The following TMTC1 variants were observed in gnomAD, a reference collection of about 807,000 sequenced individuals.
TMTC1 encodes protein O-mannosyl-transferase TMTC1.
TMTC1 carries 73 observed loss-of-function variants against 104.8 expected under a neutral mutation model. That is an observed-to-expected ratio of 0.70 (90% CI 0.58 to 0.85). The LOEUF is 0.85. Ranked by LOEUF, TMTC1 falls within the 40% of genes least tolerant of loss-of-function variation. The pLI is 0.00. For synonymous variants in TMTC1, 434 were observed against 428.7 expected, an observed-to-expected ratio of 1.01 and a Z score of -0.15; for missense variants, 1,035 against 1,096.1, an observed-to-expected ratio of 0.94 and a Z score of 0.79.
At chr12:29,536,340 G>T (rs368249299) in intron 10 of TMTC1, 23 bp from the exon 11 acceptor site, 2 of 1,402,402 alleles carry the variant, frequency 1.4e-6, no homozygotes, top group Admixed American at 1.9e-5. Context: ...ATGAAGGGGT[G>T]GGGGAGAACA....
chr12:29,660,064 G>T, intron 5 of TMTC1: 1 of 1,107,862 alleles, frequency 9.0e-7, no homozygotes, highest in Non-Finnish European at 1.3e-6. Context: ...TCCTCTAACA[G>T]GGAATGAAGT....
chr12:29,659,216 T>C (rs139877253), intron 5 of TMTC1, among the ~76,000 whole-genome samples: 222 of 152,366 alleles, frequency 1.5e-3, no homozygotes, highest in Middle Eastern at 0.014. Context: ...AGATAGTTAT[T>C]ATTGACAAGT....
intron 8 of TMTC1, among the ~76,000 whole-genome samples, chr12:29,573,423 T>A (rs1054366615): frequency 6.6e-6 from 1 of 152,196 alleles, no homozygotes; most frequent in African/African-American, 2.4e-5. Flanking sequence ...ATCTACATAG[T>A]GTCCCTTCAG....
At chr12:29,737,471 G>A (rs1011988034) in intron 5 of TMTC1, among the ~76,000 whole-genome samples, 3 of 152,044 alleles carry the variant, frequency 2.0e-5, no homozygotes, top group Admixed American at 1.3e-4. Context: ...CCCAGATCGC[G>A]CCATTGCACT....
chr12:29,536,150 A>T, intron 11 of TMTC1, 59 bp downstream of exon 11: 1 of 1,104,102 alleles, frequency 9.1e-7, no homozygotes, highest in Non-Finnish European at 1.4e-6. Flanking sequence ...AAATCTGTGT[A>T]ACATTAATTT....
At chr12:29,585,388 G>T (rs1946105070) in intron 7 of TMTC1, among the ~76,000 whole-genome samples, 1 of 152,104 alleles carries the variant, frequency 6.6e-6, no homozygotes, top group African/African-American at 2.4e-5. Context: ...CATTCTGTAG[G>T]TTGCCTGTTT....
chr12:29,509,272 T>C (rs1943769440), intron 17 of TMTC1, among the ~76,000 whole-genome samples: 1 of 152,214 alleles, frequency 6.6e-6, no homozygotes, highest in South Asian at 2.1e-4. Context: ...AAAAATGTAT[T>C]ATAATTTCTT....
At chr12:29,650,997 A>C (rs1051779462) in intron 5 of TMTC1, among the ~76,000 whole-genome samples, 1 of 152,214 alleles carries the variant, frequency 6.6e-6, no homozygotes, top group Non-Finnish European at 1.5e-5. Context: ...ACACAAAACT[A>C]TGTATTCATC....
At chr12:29,770,362 C>G (rs1943567971) in intron 1 of TMTC1, among the ~76,000 whole-genome samples, 1 of 152,094 alleles carries the variant, frequency 6.6e-6, no homozygotes, top group Non-Finnish European at 1.5e-5. Flanking sequence ...AAGCGTTATC[C>G]ATGTTATTTC....
chr12:29,737,389 A>G (rs1942707614), intron 5 of TMTC1, among the ~76,000 whole-genome samples: 1 of 152,314 alleles, frequency 6.6e-6, no homozygotes, highest in African/African-American at 2.4e-5. Flanking sequence ...CTGGTGGCGC[A>G]TGCCTGTAAT....
intron 5 of TMTC1, among the ~76,000 whole-genome samples, chr12:29,693,849 C>T (rs1440459728): frequency 6.6e-6 from 1 of 152,142 alleles, no homozygotes; most frequent in Non-Finnish European, 1.5e-5. Context: ...CCCGGGCAGA[C>T]TGACAGCAGG....
intron 1 of TMTC1, among the ~76,000 whole-genome samples, chr12:29,776,817 T>C (rs1179650456): frequency 1.3e-5 from 2 of 151,984 alleles, no homozygotes; most frequent in Admixed American, 6.6e-5. Flanking sequence ...AAACCAAAGG[T>C]GGTGAGCACA....
chr12:29,759,015 C>T (rs962629106), intron 2 of TMTC1, among the ~76,000 whole-genome samples: 20 of 152,140 alleles, frequency 1.3e-4, no homozygotes, highest in African/African-American at 4.8e-4. Context: ...GATTTCCACA[C>T]TTTATTTTTA....
At chr12:29,599,808 A>G (rs373270057) in intron 7 of TMTC1, among the ~76,000 whole-genome samples, 1 of 152,064 alleles carries the variant, frequency 6.6e-6, no homozygotes, top group Non-Finnish European at 1.5e-5. Flanking sequence ...ATTGTTCACT[A>G]AAGTTTCTGA....
intron 5 of TMTC1, among the ~76,000 whole-genome samples, chr12:29,647,346 A>G (rs889775370): frequency 6.6e-6 from 1 of 152,200 alleles, no homozygotes; most frequent in Admixed American, 6.5e-5. Context: ...AAGAGCCCCT[A>G]TAAACATGTT....
chr12:29,755,932 C>A, intron 3 of TMTC1, 47 bp from the exon 4 acceptor site: 2 of 1,584,042 alleles, frequency 1.3e-6, no homozygotes, highest in Middle Eastern at 1.7e-4. Context: ...AGAATATGGT[C>A]TGCTAAGAAA....
chr12:29,648,224 T>G (rs1441284489), intron 5 of TMTC1, among the ~76,000 whole-genome samples: 1 of 152,174 alleles, frequency 6.6e-6, no homozygotes, highest in Non-Finnish European at 1.5e-5. Flanking sequence ...GCATCTGGAC[T>G]TCAGAACTCA....
rs80138216 is a variant in TMTC1 at position 29,747,613 on chromosome 12, C to A, written c.938+4053G>T. 2.8e-3 allele frequency among the ~76,000 whole-genome samples: 432 copies of A among 152,308 alleles called. 1 individual carries two copies. The highest frequency in any genetic ancestry group is 9.9e-3 in the African/African-American group (411 of 41,556). On this transcript the variant is annotated intron_variant, in intron 5 of 17. Transcript: ENST00000539277. ...TGAAGTTGAACAACAACAAAAAAAT[C>A]GCACACAAACTCATTCCTTGCCTGC...
At chr12:29,663,476 G>A (rs1940127436) in intron 5 of TMTC1, among the ~76,000 whole-genome samples, 1 of 152,022 alleles carries the variant, frequency 6.6e-6, no homozygotes, top group African/African-American at 2.4e-5. Flanking sequence ...CCTTTCTATA[G>A]AACAACAAAC....
Sources: allele counts gnomAD v4.1 joint callset (sites outside exome capture counted in the v4.1 genomes callset), GRCh38; gene constraint gnomAD v4.1.1; transcripts MANE v1.5; gene names NCBI Gene and HGNC (gene_info 2026-07-23, HGNC 2026-07-21).